Variants in TMC7 observed in about 807,000 individuals in gnomAD.
The protein encoded by TMC7 is transmembrane channel like 7.
In TMC7, 54 loss-of-function variants were observed where a neutral mutation model predicts 82.9. The ratio of observed to expected loss-of-function variants is 0.65; its 90% confidence interval spans 0.52 to 0.82. The LOEUF (loss-of-function observed/expected upper bound fraction) is 0.82. Among genes scored for constraint, TMC7 ranks in the 40% least tolerant of loss-of-function variants. The probability of loss-of-function intolerance (pLI) is 0.00; values close to 1 mark genes in which losing one functional copy is unlikely to be tolerated. For missense variants in TMC7, 820 were observed against 901.2 expected, an observed-to-expected ratio of 0.91 and a Z score of 1.15; for synonymous variants, 350 against 337.9, an observed-to-expected ratio of 1.04 and a Z score of -0.39.
chr16:19,055,285 A>C (rs1233762781), intron 13 of TMC7, among the ~76,000 whole-genome samples: 1 of 152,178 alleles, frequency 6.6e-6, no homozygotes, highest in Non-Finnish European at 1.5e-5. Context: ...AATATATCAC[A>C]CTTAAGAAGA....
At chr16:18,992,913 T>A (rs2038977438) in intron 1 of TMC7, among the ~76,000 whole-genome samples, 1 of 152,322 alleles carries the variant, frequency 6.6e-6, no homozygotes, top group Non-Finnish European at 1.5e-5. Flanking sequence ...GTTGTAGATG[T>A]GTGATATTAT....
In TMC7 at chr16:18,983,973, C is replaced by A. The variant is rs530886405; in HGVS notation, c.-91C>A. 2 of 1,296,810 alleles carry A rather than the reference C, an allele frequency of 1.5e-6. No individual in the cohort carries two copies. Among genetic ancestry groups the A allele is most frequent in the Non-Finnish European group, 2.0e-6 (2 of 1,014,234 alleles). The allele number at this position is 1,296,810 out of a possible 1,614,324, so 80.3% of individuals were successfully genotyped here. A position where few individuals can be genotyped will look rare whatever the true frequency, so the allele number is the denominator to read the frequency against. On this transcript the variant is annotated 5_prime_UTR_variant, in exon 1 of 16. Coordinates refer to ENST00000304381, the MANE Select transcript of TMC7 (RefSeq NM_024847.4). ...GATGTCAGCGCCGGAACCTGGAATC[C>A]CGGCTCCGCGAGGGAAGGCCGGGGA... is the stretch of plus-strand genomic sequence containing the variant.
chr16:19,059,275 GTAT>G, intron 14 of TMC7, 138 bp from the exon 15 acceptor site: 1 of 1,418,362 alleles, frequency 7.1e-7, no homozygotes, highest in Non-Finnish European at 9.4e-7. Context: ...CAAAGCACTG[GTAT>G]TATAAAATGA....
intron 1 of TMC7, among the ~76,000 whole-genome samples, chr16:18,986,354 C>G (rs1006062368): frequency 2.0e-5 from 3 of 147,388 alleles, no homozygotes; most frequent in African/African-American, 7.6e-5. Flanking sequence ...GAGATTGTGC[C>G]ACTGCACTCC....
intron 2 of TMC7, among the ~76,000 whole-genome samples, chr16:19,015,465 T>C (rs1482755480): frequency 6.6e-6 from 1 of 151,994 alleles, no homozygotes; most frequent in East Asian, 1.9e-4. Flanking sequence ...TCCTATTGTG[T>C]GGATAGACCA....
intron 5 of TMC7, among the ~76,000 whole-genome samples, chr16:19,029,002 T>A (rs1048192059): frequency 2.0e-5 from 3 of 149,852 alleles, no homozygotes; most frequent in East Asian, 2.0e-4. Context: ...TATTTTATTT[T>A]ATTTATTTAT....
chr16:18,984,582 G>C, intron 1 of TMC7: 1 of 970,512 alleles, frequency 1.0e-6, no homozygotes, highest in Non-Finnish European at 1.2e-6. Flanking sequence ...GGGACCTTTG[G>C]TAAGTGGCTT....
intron 12 of TMC7, among the ~76,000 whole-genome samples, chr16:19,051,204 C>CT (rs544794521): frequency 0.026 from 3,555 of 137,478 alleles, 97 homozygotes; most frequent in Middle Eastern, 0.08. Flanking sequence ...TGGATGAAAC[C>CT]TTTTTTTTTT....
At chr16:19,013,212 A>G (rs1418032606) in intron 2 of TMC7, among the ~76,000 whole-genome samples, 1 of 151,806 alleles carries the variant, frequency 6.6e-6, no homozygotes, top group African/African-American at 2.4e-5. Flanking sequence ...TCAAATTATT[A>G]TTATTATTTT....
intron 1 of TMC7, among the ~76,000 whole-genome samples, chr16:18,986,857 T>G (rs1468836903): frequency 6.6e-6 from 1 of 152,016 alleles, no homozygotes; most frequent in Non-Finnish European, 1.5e-5. Context: ...CAGGCTGAAG[T>G]GCAGTGGCGC....
chr16:19,044,768 CAAAAAAAAAA>C (rs1165792461), intron 9 of TMC7, 106 bp from the exon 10 acceptor site: 6 of 293,006 alleles, frequency 2.0e-5, no homozygotes, highest in African/African-American at 1.5e-4. Context: ...CACTCCATCT[CAAAAAAAAAA>C]AAAAAAAAAA....
intron 13 of TMC7, among the ~76,000 whole-genome samples, chr16:19,052,457 A>G (rs1210952262): frequency 1.3e-5 from 2 of 152,118 alleles, no homozygotes; most frequent in Non-Finnish European, 2.9e-5. Flanking sequence ...CAGCCTCCTG[A>G]AGTATTGGGA....
intron 2 of TMC7, among the ~76,000 whole-genome samples, chr16:19,010,019 C>T (rs2039310414): frequency 7.0e-6 from 1 of 143,218 alleles, no homozygotes; most frequent in Admixed American, 7.1e-5. Context: ...TCCTCCCTTC[C>T]TCCCTCCCTC....
At chr16:18,996,415 T>G (rs1200118858) in intron 1 of TMC7, among the ~76,000 whole-genome samples, 2 of 152,114 alleles carry the variant, frequency 1.3e-5, no homozygotes, top group Non-Finnish European at 1.5e-5. Flanking sequence ...CAACAAAAAT[T>G]ATCTAGATCT....
At chr16:18,984,421 A>G in intron 1 of TMC7, 1 of 1,231,650 alleles carries the variant, frequency 8.1e-7, no homozygotes, top group Non-Finnish European at 1.0e-6. Flanking sequence ...ACAGTCTTTC[A>G]ATAGCCTCAT....
intron 13 of TMC7, 44 bp from the exon 14 acceptor site, chr16:19,056,498 G>C (rs931521683): frequency 6.3e-7 from 1 of 1,597,386 alleles, no homozygotes; most frequent in Non-Finnish European, 8.5e-7. Context: ...CACTCAACCT[G>C]TGCTGCACGC....
At chr16:18,992,214 C>G (rs926856079) in intron 1 of TMC7, among the ~76,000 whole-genome samples, 7 of 152,194 alleles carry the variant, frequency 4.6e-5, no homozygotes, top group Non-Finnish European at 8.8e-5. Flanking sequence ...GTCCCACCAA[C>G]AGTGTAAAAG....
intron 1 of TMC7, among the ~76,000 whole-genome samples, chr16:18,991,244 G>A (rs2142117857): frequency 6.6e-6 from 1 of 152,248 alleles, no homozygotes; most frequent in African/African-American, 2.4e-5. Context: ...GGTTTTGTAT[G>A]AATTGAGAAA....
chr16:19,063,204 A>T lies in TMC7; in HGVS notation c.*1361A>T, dbSNP rs1304411492. 6.6e-6 allele frequency: 1 copy of T among 152,176 alleles called. No homozygotes were observed. The highest frequency in any genetic ancestry group is 1.5e-5 in the Non-Finnish European group (1 of 68,044). The allele number at this position is 152,176 out of a possible 1,614,324, so 9.4% of individuals were successfully genotyped here. On this transcript the variant is annotated 3_prime_UTR_variant, in exon 16 of 16. Transcript: ENST00000304381. ...AAATGCCTGATCTCGTCTAAATCTA[A>T]TAACTGGTGTCATGGAATTTTGAGT...
Sources: allele counts gnomAD v4.1 joint callset (sites outside exome capture counted in the v4.1 genomes callset), GRCh38; gene constraint gnomAD v4.1.1; transcripts MANE v1.5; gene names NCBI Gene and HGNC (gene_info 2026-07-23, HGNC 2026-07-21).